Variants in OLFM2 observed in about 807,000 individuals in gnomAD.
OLFM2 encodes the protein noelin-2.
A neutral mutation model predicts 43.9 loss-of-function variants in OLFM2; 20 were observed. The observed-to-expected ratio is 0.46, with a 90% confidence interval of 0.32 to 0.66. The LOEUF (loss-of-function observed/expected upper bound fraction) is 0.66. Ranked by LOEUF, OLFM2 falls within the 30% of genes least tolerant of loss-of-function variation. The pLI is 0.04. For synonymous variants in OLFM2, 268 were observed against 278.6 expected (o/e 0.96, Z 0.38); for missense variants, 416 against 643.6 (o/e 0.65, Z 3.83).
chr19:9,865,173 T>A (rs2046391457), intron 1 of OLFM2, among the ~76,000 whole-genome samples: 1 of 151,570 alleles, frequency 6.6e-6, no homozygotes, highest in Non-Finnish European at 1.5e-5. Flanking sequence ...CTCCTCTTTT[T>A]TTTTTTTTGG....
chr19:9,880,843 T>G (rs901217598), intron 1 of OLFM2, among the ~76,000 whole-genome samples: 5 of 152,160 alleles, frequency 3.3e-5, no homozygotes, highest in African/African-American at 1.2e-4. Flanking sequence ...CACACATTTC[T>G]GCAGCTTTGG....
intron 1 of OLFM2, among the ~76,000 whole-genome samples, chr19:9,919,174 C>CTTT (rs201501920): frequency 2.7e-4 from 33 of 123,120 alleles, no homozygotes; most frequent in African/African-American, 9.7e-4. Context: ...TCATTTCTCT[C>CTTT]TCTTTTTTTT....
chr19:9,932,172 A>C (rs2086486490), intron 1 of OLFM2, among the ~76,000 whole-genome samples: 1 of 151,572 alleles, frequency 6.6e-6, no homozygotes, highest in Non-Finnish European at 1.5e-5. Context: ...CTATAAAGAA[A>C]AATATGGCCG....
intron 1 of OLFM2, among the ~76,000 whole-genome samples, chr19:9,918,989 G>A (rs773753239): frequency 3.9e-5 from 6 of 152,110 alleles, no homozygotes; most frequent in South Asian, 2.1e-4. Context: ...TCAATTGCAC[G>A]CTTACACAGG....
At chr19:9,926,288 C>T (rs1200682811) in intron 1 of OLFM2, among the ~76,000 whole-genome samples, 1 of 152,170 alleles carries the variant, frequency 6.6e-6, no homozygotes, top group African/African-American at 2.4e-5. Flanking sequence ...CATGGTGGCT[C>T]ACGCCTGTAA....
chr19:9,883,995 T>C (rs2046563803), intron 1 of OLFM2, among the ~76,000 whole-genome samples: 1 of 152,066 alleles, frequency 6.6e-6, no homozygotes, highest in African/African-American at 2.4e-5. Flanking sequence ...TAGCTGGGCA[T>C]GGTGACTCAC....
chr19:9,896,224 C>T (rs1359555785), intron 1 of OLFM2, among the ~76,000 whole-genome samples: 1 of 150,550 alleles, frequency 6.6e-6, no homozygotes, highest in Non-Finnish European at 1.5e-5. Context: ...CCTCAGCCTC[C>T]CGAGTAGCTG....
At chr19:9,875,827 C>A (rs16996290) in intron 1 of OLFM2, among the ~76,000 whole-genome samples, 8,477 of 152,058 alleles carry the variant, frequency 0.056, 801 homozygotes, top group African/African-American at 0.19. Flanking sequence ...AGTTTTATTT[C>A]CTGTCCCTCT....
At chr19:9,864,303 A>G (rs893492522) in intron 1 of OLFM2, among the ~76,000 whole-genome samples, 12 of 151,986 alleles carry the variant, frequency 7.9e-5, no homozygotes, top group African/African-American at 2.7e-4. Flanking sequence ...CGTTTATTTT[A>G]TTATTTTTCA....
intron 1 of OLFM2, among the ~76,000 whole-genome samples, chr19:9,865,192 T>A (rs2046391658): frequency 6.7e-6 from 1 of 148,738 alleles, no homozygotes; most frequent in Admixed American, 6.8e-5. Context: ...GGAGATGGAG[T>A]CTCACTTGGT....
intron 1 of OLFM2, among the ~76,000 whole-genome samples, chr19:9,913,332 G>A (rs372984142): frequency 6.6e-6 from 1 of 152,144 alleles, no homozygotes; most frequent in Admixed American, 6.5e-5. Flanking sequence ...ACCCCGAGAG[G>A]GCGTCCCCTA....
In OLFM2 at chr19:9,856,364, C is replaced by T. The variant is rs966087296; in HGVS notation, c.687+443G>A. Among the ~76,000 whole-genome samples the T allele has an allele frequency of 9.8e-5, 15 of 152,326 alleles. No individual in the cohort carries two copies. Among genetic ancestry groups the T allele is most frequent in the African/African-American group, 1.4e-4 (6 of 41,564 alleles). ...CCGCCCACCTCAGCCTCCCAAAGTGCTGGGATTACAGGCATGAGCCACCAT... is the reference window on the plus strand; with the variant it reads ...CCGCCCACCTCAGCCTCCCAAAGTGTTGGGATTACAGGCATGAGCCACCAT... On this transcript the variant is annotated intron_variant, in intron 5 of 5. Transcript: ENST00000264833. The surrounding 1 kb of genome is among the most constrained non-coding windows in gnomAD (Gnocchi z 4.0).
At chr19:9,890,504 G>A (rs2046629523) in intron 1 of OLFM2, among the ~76,000 whole-genome samples, 1 of 152,242 alleles carries the variant, frequency 6.6e-6, no homozygotes, top group African/African-American at 2.4e-5. Context: ...GTTGGAACAT[G>A]TAAGAGACTG....
intron 1 of OLFM2, among the ~76,000 whole-genome samples, chr19:9,934,563 G>T (rs2086504715): frequency 6.6e-6 from 1 of 152,168 alleles, no homozygotes; most frequent in South Asian, 2.1e-4. Context: ...CCTCTGCTAG[G>T]TCAAGGATAA....
At chr19:9,855,393 A>G (rs907752997) in intron 5 of OLFM2, among the ~76,000 whole-genome samples, 9 of 151,708 alleles carry the variant, frequency 5.9e-5, no homozygotes, top group African/African-American at 2.2e-4. Context: ...GGCGCATCCC[A>G]CCACACCCGG....
chr19:9,877,069 A>C (rs1435752784), intron 1 of OLFM2, among the ~76,000 whole-genome samples: 5 of 151,412 alleles, frequency 3.3e-5, no homozygotes, highest in Non-Finnish European at 7.4e-5. Context: ...GCCTCTAGTA[A>C]AAATACAAAA....
chr19:9,880,508 G>A (rs562653612), intron 1 of OLFM2, among the ~76,000 whole-genome samples: 54 of 152,058 alleles, frequency 3.6e-4, no homozygotes, highest in Non-Finnish European at 6.5e-4. Flanking sequence ...AAGGTGGGAG[G>A]ATCACTTGTG....
chr19:9,927,795 G>C (rs985804214), intron 1 of OLFM2, among the ~76,000 whole-genome samples: 4 of 152,214 alleles, frequency 2.6e-5, no homozygotes, highest in African/African-American at 9.6e-5. Context: ...GCCGGGTGCA[G>C]TGACTCATGC....
At position 9,904,966 on chromosome 19, in the gene OLFM2, C is replaced by T. The variant is rs141900174; in HGVS notation, c.63+31338G>A. Among the ~76,000 whole-genome samples the T allele has an allele frequency of 4.0e-3, 606 of 151,932 alleles. 2 individuals are homozygous for T. The highest frequency in any genetic ancestry group is 0.034 in the Middle Eastern group (10 of 294). On this transcript the variant is annotated intron_variant, in intron 1 of 5. Transcript: ENST00000264833. Reference sequence around the variant, plus strand: ...CACAGGACGTCGAGGCTGCAGTGAGCTATGATCATGCCATTGCACTACAGT... The same window carrying T: ...CACAGGACGTCGAGGCTGCAGTGAGTTATGATCATGCCATTGCACTACAGT...
Sources: gnomAD v4.1 joint callset for allele counts (sites outside exome capture counted in the v4.1 genomes callset) on GRCh38, gnomAD v4.1.1 for gene constraint, Gnocchi (gnomAD v3.1) non-coding constraint, MANE v1.5 for transcripts, NCBI Gene and HGNC (gene_info 2026-07-23, HGNC 2026-07-21) for gene names.